Variants in HECW1 observed in about 807,000 individuals in gnomAD.
HECW1 encodes E3 ubiquitin-protein ligase HECW1.
HECW1 carries 61 observed loss-of-function variants against 182.3 expected under a neutral mutation model. The observed-to-expected ratio is 0.33, with a 90% CI of 0.27 to 0.41. The LOEUF is 0.41. Ranked by LOEUF, HECW1 falls within the 10% of genes least tolerant of loss-of-function variation. The pLI is 1.00. For synonymous variants in HECW1, 859 were observed against 832.6 expected (o/e 1.03, Z -0.55); for missense variants, 1,739 against 2,108.9 (o/e 0.82, Z 3.44).
chr7:43,325,937 G>T, intron 5 of HECW1, among the ~76,000 whole-genome samples: 1 of 152,248 alleles, frequency 6.6e-6, no homozygotes, highest in Non-Finnish European at 1.5e-5. Context: ...TTTCCATCAT[G>T]CCATCTGTCT....
At chr7:43,477,398 A>G (rs1020729626) in intron 16 of HECW1, among the ~76,000 whole-genome samples, 2 of 152,232 alleles carry the variant, frequency 1.3e-5, no homozygotes, top group African/African-American at 2.4e-5. Flanking sequence ...ACATCTCAGC[A>G]TGTATTTGAA....
intron 12 of HECW1, 48 bp downstream of exon 12, chr7:43,450,977 C>A: frequency 8.0e-7 from 1 of 1,256,600 alleles, no homozygotes; most frequent in Non-Finnish European, 1.2e-6. Flanking sequence ...CCTATCAAGT[C>A]TAAGCAGGTC....
At chr7:43,360,826 T>C (rs1815782200) in intron 5 of HECW1, 60 bp from the exon 6 acceptor site, 5 of 1,246,770 alleles carry the variant, frequency 4.0e-6, no homozygotes, top group Non-Finnish European at 5.9e-6. Flanking sequence ...TCTGTGGCCA[T>C]AGCTGTCTCT....
intron 5 of HECW1, among the ~76,000 whole-genome samples, chr7:43,353,443 T>C (rs1460380485): frequency 5.9e-5 from 9 of 151,806 alleles, no homozygotes; most frequent in Admixed American, 5.9e-4. Context: ...TCCAAAAGGG[T>C]AGTATAGAGG....
intron 2 of HECW1, among the ~76,000 whole-genome samples, chr7:43,221,873 G>A (rs1797012899): frequency 6.6e-6 from 1 of 152,058 alleles, no homozygotes; most frequent in Admixed American, 6.6e-5. Flanking sequence ...TGAGCTGATT[G>A]CATTTTATCA....
At chr7:43,412,476 A>C (rs1279821295) in intron 8 of HECW1, among the ~76,000 whole-genome samples, 1 of 149,572 alleles carries the variant, frequency 6.7e-6, no homozygotes, top group African/African-American at 2.5e-5. Context: ...ATTATACTTT[A>C]AGTTTTAGGG....
intron 17 of HECW1, among the ~76,000 whole-genome samples, chr7:43,485,560 G>A (rs907874310): frequency 1.3e-5 from 2 of 152,108 alleles, no homozygotes; most frequent in South Asian, 4.2e-4. Context: ...TAGGCTGTAC[G>A]GTATGGCTAT....
In HECW1 at chr7:43,445,306, A is replaced by G; in HGVS notation, c.2134A>G (p.Arg712Gly). ...CAGCCCCTCCTGCTACAACGGCAAC[A>G]GGTTCGCCAGCCACACGCGCTTCTC... ...CYSPSCYNGNRFASHTRFSSV... is the reference protein window; with the variant it reads ...CYSPSCYNGNGFASHTRFSSV... Residue 712 changes from arginine (R) to glycine (G), a missense_variant, in exon 11 of 30, where the codon AGG (arginine) becomes GGG (glycine). Physicochemically the swap from Arg to Gly is moderately radical, Grantham distance 125. Transcript: ENST00000395891. The G allele has an allele frequency of 6.2e-7, 1 of 1,613,434 alleles. No homozygotes were observed. Among genetic ancestry groups the G allele is most frequent in the Non-Finnish European group, 8.5e-7 (1 of 1,180,008 alleles).
At chr7:43,161,356 G>A (rs945268143) in intron 2 of HECW1, among the ~76,000 whole-genome samples, 1 of 152,178 alleles carries the variant, frequency 6.6e-6, no homozygotes, top group Non-Finnish European at 1.5e-5. Context: ...CTGGTGGAGG[G>A]AAGTTAGAGA....
At chr7:43,205,246 G>A (rs947621122) in intron 2 of HECW1, among the ~76,000 whole-genome samples, 4 of 152,092 alleles carry the variant, frequency 2.6e-5, no homozygotes, top group Non-Finnish European at 5.9e-5. Flanking sequence ...ACCATGCCCA[G>A]CTAACTGTTT....
At chr7:43,179,554 TTTGTTGTTG>T (rs35378292) in intron 2 of HECW1, among the ~76,000 whole-genome samples, 2 of 148,106 alleles carry the variant, frequency 1.4e-5, no homozygotes, top group African/African-American at 5.1e-5. Flanking sequence ...ATTTGCTAAG[TTTGTTGTTG>T]TTGTTGTTGT....
intron 5 of HECW1, among the ~76,000 whole-genome samples, chr7:43,323,500 C>A (rs967445593): frequency 2.0e-5 from 3 of 151,992 alleles, no homozygotes; most frequent in Non-Finnish European, 4.4e-5. Flanking sequence ...GTGGAAGCAT[C>A]ACCTGTACCG....
intron 14 of HECW1, among the ~76,000 whole-genome samples, chr7:43,464,304 T>C (rs1365497804): frequency 6.6e-6 from 1 of 152,238 alleles, no homozygotes; most frequent in Admixed American, 6.5e-5. Context: ...CACTTGTTTG[T>C]AGAATAAAAT....
At chr7:43,154,691 C>T (rs1379446038) in intron 2 of HECW1, among the ~76,000 whole-genome samples, 1 of 152,270 alleles carries the variant, frequency 6.6e-6, no homozygotes, top group South Asian at 2.1e-4. Context: ...TGTATTCCAG[C>T]ACAGGAAGCA....
rs566532968 is a variant in HECW1 at position 43,167,951 on chromosome 7, C to G, written c.-32+53560C>G. On this transcript the variant is annotated intron_variant, in intron 2 of 29. Coordinates refer to ENST00000395891, the MANE Select transcript of HECW1 (RefSeq NM_015052.5). ...GAACCAGACAACCATACTGTAAGCCCAGCACTCCTGAATACTCACACATCA... is the reference window on the plus strand; with the variant it reads ...GAACCAGACAACCATACTGTAAGCCGAGCACTCCTGAATACTCACACATCA... 5.1e-4 allele frequency among the ~76,000 whole-genome samples: 77 copies of G among 152,250 alleles called. 1 individual carries two copies. The highest frequency in any genetic ancestry group is 1.8e-3 in the African/African-American group (75 of 41,530).
At chr7:43,239,904 A>T (rs1798711191) in intron 2 of HECW1, 2 of 152,236 alleles carry the variant, frequency 1.3e-5, no homozygotes, top group Admixed American at 1.3e-4. Flanking sequence ...TAAAAAAGAG[A>T]ACCTTACCCG....
chr7:43,277,083 T>C (rs1803251882), intron 3 of HECW1, among the ~76,000 whole-genome samples: 2 of 152,208 alleles, frequency 1.3e-5, no homozygotes, highest in African/African-American at 4.8e-5. Flanking sequence ...CCTCCTCTTC[T>C]TTCTCTATCT....
At chr7:43,416,796 G>T (rs1211095674) in intron 8 of HECW1, among the ~76,000 whole-genome samples, 1 of 148,516 alleles carries the variant, frequency 6.7e-6, no homozygotes, top group Admixed American at 6.7e-5. Context: ...GATTTTCCAG[G>T]TGCGTCCGTC....
At chr7:43,508,737 A>G (rs1247055828) in intron 23 of HECW1, 6 of 538,778 alleles carry the variant, frequency 1.1e-5, no homozygotes, top group South Asian at 5.2e-5. Context: ...GAAAGCTGCC[A>G]TAAGAGTTTA....
Sources: allele counts gnomAD v4.1 joint callset (sites outside exome capture counted in the v4.1 genomes callset), GRCh38; gene constraint gnomAD v4.1.1; transcripts MANE v1.5; gene names NCBI Gene and HGNC (gene_info 2026-07-23, HGNC 2026-07-21).